DENND1A: variants seen among roughly 807,000 people sequenced by gnomAD.
The protein encoded by DENND1A is DENN domain containing 1A.
In DENND1A, 51 loss-of-function variants were observed where a neutral mutation model predicts 113.7. That is an observed-to-expected ratio of 0.45 (90% CI 0.36 to 0.57). The LOEUF (loss-of-function observed/expected upper bound fraction) is 0.57. DENND1A is among the 20% of genes least tolerant of loss of function. The pLI is 0.00. For synonymous variants in DENND1A, 565 were observed against 570.8 expected (o/e 0.99, Z 0.14); for missense variants, 1,258 against 1,395.9 (o/e 0.90, Z 1.57).
At chr9:123,842,965 A>T in intron 2 of DENND1A, 1 of 357,050 alleles carries the variant, frequency 2.8e-6, no homozygotes, top group Non-Finnish European at 5.4e-6. Context: ...CCCTTCCCAC[A>T]TGATAGTAGG....
At chr9:123,741,821 G>A (rs936680910) in intron 5 of DENND1A, among the ~76,000 whole-genome samples, 2 of 152,144 alleles carry the variant, frequency 1.3e-5, no homozygotes, top group Non-Finnish European at 2.9e-5. Context: ...ATAGCACAAC[G>A]CTGACAAAAA....
chr9:123,635,970 T>C (rs1455068225), intron 9 of DENND1A, among the ~76,000 whole-genome samples: 1 of 152,234 alleles, frequency 6.6e-6, no homozygotes, highest in East Asian at 1.9e-4. Context: ...CTTTCCAGCT[T>C]TGACAACTCA....
chr9:123,802,133 T>C (rs1221439966), intron 2 of DENND1A, among the ~76,000 whole-genome samples: 2 of 152,176 alleles, frequency 1.3e-5, no homozygotes, highest in African/African-American at 4.8e-5. Context: ...GCACTCCTGG[T>C]CAGCCAGAAG....
At chr9:123,901,324 T>C (rs184707731) in intron 1 of DENND1A, among the ~76,000 whole-genome samples, 2 of 152,128 alleles carry the variant, frequency 1.3e-5, no homozygotes, top group African/African-American at 4.8e-5. Context: ...AGGCTAGATA[T>C]TTGCATTTAG....
At chr9:123,439,219 GA>G (rs936493353) in intron 19 of DENND1A, among the ~76,000 whole-genome samples, 21 of 152,204 alleles carry the variant, frequency 1.4e-4, no homozygotes, top group Admixed American at 2.0e-4. Context: ...TCACCCTGTG[GA>G]TTCTTCTTTC....
intron 13 of DENND1A, among the ~76,000 whole-genome samples, chr9:123,502,175 T>C (rs1366772499): frequency 2.0e-5 from 3 of 151,878 alleles, no homozygotes. Flanking sequence ...CCCTGACTAA[T>C]ACAGGCTCCA....
chr9:123,884,854 T>C (rs1848786265), intron 1 of DENND1A, among the ~76,000 whole-genome samples: 1 of 152,142 alleles, frequency 6.6e-6, no homozygotes, highest in Admixed American at 6.5e-5. Context: ...ACCACTTCAC[T>C]ATTCTACATT....
chr9:123,583,149 C>T lies in DENND1A; in HGVS notation c.867+20G>A. 1 of 1,575,290 alleles carries T rather than the reference C, an allele frequency of 6.3e-7. No homozygotes were observed. Among genetic ancestry groups the T allele is most frequent in the Non-Finnish European group, 8.7e-7 (1 of 1,152,822 alleles). ...TGCAGGAGCTCACAGAAGTGAGATC[C>T]TCGCAAGCTCATTACCTACCACGTC... On this transcript the variant is annotated intron_variant, in intron 12 of 23. Coordinates refer to ENST00000394215, the MANE Select transcript of DENND1A (RefSeq NM_001352964.2).
intron 7 of DENND1A, among the ~76,000 whole-genome samples, chr9:123,668,592 A>C (rs1242707307): frequency 6.6e-6 from 1 of 152,228 alleles, no homozygotes; most frequent in Non-Finnish European, 1.5e-5. Flanking sequence ...GACCAAAACT[A>C]AATCTGTGTA....
intron 5 of DENND1A, among the ~76,000 whole-genome samples, chr9:123,706,226 C>A (rs1408924372): frequency 6.6e-6 from 1 of 150,922 alleles, no homozygotes; most frequent in Non-Finnish European, 1.5e-5. Context: ...TCTCGGCTCA[C>A]TGCAACCTCC....
rs1218404073 is a variant in DENND1A, at chr9:123,811,594, C to A, written c.89-18964G>T. On this transcript the variant is annotated intron_variant, in intron 2 of 23. Coordinates refer to ENST00000394215, the MANE Select transcript of DENND1A (RefSeq NM_001352964.2). ...CTAACATGGTGAAACCCCGTCTCTACTAAACATACAAAAAATTAGCCAGGC... is the reference window on the plus strand; with the variant it reads ...CTAACATGGTGAAACCCCGTCTCTAATAAACATACAAAAAATTAGCCAGGC... 3.6e-4 allele frequency among the ~76,000 whole-genome samples: 55 copies of A among 152,070 alleles called. 1 individual carries two copies. The highest frequency in any genetic ancestry group is 2.9e-5 in the Non-Finnish European group (2 of 68,002).
intron 5 of DENND1A, among the ~76,000 whole-genome samples, chr9:123,720,624 A>G (rs767428092): frequency 1.4e-4 from 21 of 152,230 alleles, no homozygotes; most frequent in Non-Finnish European, 2.5e-4. Flanking sequence ...TATTCAAAAT[A>G]CATGCAAACT....
chr9:123,497,715 A>C (rs1702942123), intron 13 of DENND1A, among the ~76,000 whole-genome samples: 1 of 151,988 alleles, frequency 6.6e-6, no homozygotes. Flanking sequence ...TCAACCCAAA[A>C]AACTACGTTA....
At chr9:123,666,754 T>C (rs1274165749) in intron 8 of DENND1A, among the ~76,000 whole-genome samples, 1 of 152,176 alleles carries the variant, frequency 6.6e-6, no homozygotes, top group Non-Finnish European at 1.5e-5. Flanking sequence ...AAAGAGGGAA[T>C]CAAATATCAT....
chr9:123,805,475 C>T (rs1835387568), intron 2 of DENND1A, among the ~76,000 whole-genome samples: 1 of 151,436 alleles, frequency 6.6e-6, no homozygotes, highest in African/African-American at 2.4e-5. Context: ...ACTCTGTCAC[C>T]CAAGATGGAC....
chr9:123,672,433 T>G (rs183482723), intron 6 of DENND1A, among the ~76,000 whole-genome samples: 1 of 152,176 alleles, frequency 6.6e-6, no homozygotes, highest in Non-Finnish European at 1.5e-5. Context: ...TATTATTTCC[T>G]GACCTATTTG....
chr9:123,539,178 T>C (rs934479569), intron 13 of DENND1A, among the ~76,000 whole-genome samples: 4 of 152,120 alleles, frequency 2.6e-5, no homozygotes, highest in Non-Finnish European at 4.4e-5. Flanking sequence ...AGACCTGGTA[T>C]GCCTCCTACA....
At chr9:123,451,481 G>A (rs570036964) in intron 17 of DENND1A, among the ~76,000 whole-genome samples, 3 of 152,308 alleles carry the variant, frequency 2.0e-5, no homozygotes, top group Admixed American at 6.5e-5. Flanking sequence ...CTGTGGACAC[G>A]AGTCTTACAA....
intron 13 of DENND1A, among the ~76,000 whole-genome samples, chr9:123,522,552 C>A (rs1176971891): frequency 6.6e-6 from 1 of 152,202 alleles, no homozygotes; most frequent in Non-Finnish European, 1.5e-5. Context: ...TAACCCTCCT[C>A]CCTTCCCCAA....
Sources: allele counts gnomAD v4.1 joint callset (sites outside exome capture counted in the v4.1 genomes callset), GRCh38; gene constraint gnomAD v4.1.1; transcripts MANE v1.5; gene names NCBI Gene and HGNC (gene_info 2026-07-23, HGNC 2026-07-21).